Variants in CLCC1 observed in about 807,000 individuals in gnomAD.
CLCC1 encodes chloride channel CLIC like 1, also known as chloride channel CLIC-like protein 1.
A neutral mutation model predicts 63.3 loss-of-function variants in CLCC1; 39 were observed. That is an observed-to-expected ratio of 0.62 (90% CI 0.48 to 0.81). The LOEUF (loss-of-function observed/expected upper bound fraction) is 0.81, where lower values mean the gene tolerates loss of function less well. CLCC1 is among the 30% of genes least tolerant of loss of function. The probability of loss-of-function intolerance (pLI) is 0.00; values close to 1 mark genes in which losing one functional copy is unlikely to be tolerated. For missense variants in CLCC1, 549 were observed against 669.4 expected (o/e 0.82, Z 1.98); for synonymous variants, 217 against 239.8 (o/e 0.90, Z 0.88).
chr1:108,936,948 G>A (rs2101624817), intron 11 of CLCC1, 129 bp downstream of exon 11: 3 of 510,446 alleles, frequency 5.9e-6, no homozygotes, highest in Non-Finnish European at 9.3e-6. Context: ...AGGGGAGAGA[G>A]TGAGTGGCTG....
chr1:108,947,977 AG>A (rs1387216344), intron 4 of CLCC1, among the ~76,000 whole-genome samples: 1 of 152,210 alleles, frequency 6.6e-6, no homozygotes, highest in African/African-American at 2.4e-5. Context: ...GCTGACTTTC[AG>A]CAACTTTAAA....
intron 2 of CLCC1, among the ~76,000 whole-genome samples, chr1:108,959,887 T>C (rs1172421523): frequency 6.6e-6 from 1 of 152,174 alleles, no homozygotes; most frequent in Non-Finnish European, 1.5e-5. Context: ...CCCAGCACTT[T>C]GGGAAGCCAA....
intron 2 of CLCC1, among the ~76,000 whole-genome samples, chr1:108,960,699 G>C (rs1239882522): frequency 6.6e-6 from 1 of 152,144 alleles, no homozygotes; most frequent in Non-Finnish European, 1.5e-5. Flanking sequence ...ATTATAATAT[G>C]ATATGAAGTG....
At position 108,937,128 on chromosome 1, in the gene CLCC1, T is replaced by C. The variant is rs1653134281; in HGVS notation, c.1332A>G (p.Ala444=). The C allele has an allele frequency of 3.9e-6, 6 of 1,531,032 alleles. No individual in the cohort carries two copies. Among genetic ancestry groups the C allele is most frequent in the Non-Finnish European group, 5.3e-6 (6 of 1,141,130 alleles). 94.8% of individuals were successfully genotyped at this position (1,531,032 alleles called of 1,614,324 possible). Residue 444 remains alanine, a synonymous_variant, in exon 11 of 13, where the codon GCA becomes GCG. Coordinates refer to ENST00000369969, the MANE Select transcript of CLCC1 (RefSeq NM_001377458.1). The part of the protein sequence containing the change: ...TGNKSPEVLR[A]FDVPDAEARE... ...GTGCCTCTGCGTCTGGTACATCAAA[T>C]GCCCGGAGCACTTCAGGGCTCTTGT...
At chr1:108,945,299 G>A (rs1654395766) in intron 5 of CLCC1, among the ~76,000 whole-genome samples, 1 of 152,016 alleles carries the variant, frequency 6.6e-6, no homozygotes, top group Non-Finnish European at 1.5e-5. Flanking sequence ...ACAACGAAAT[G>A]ATGCTGTTTA....
chr1:108,940,010 G>A (rs1571020380), intron 9 of CLCC1, 35 bp downstream of exon 9: 1 of 1,492,700 alleles, frequency 6.7e-7, no homozygotes, highest in South Asian at 1.2e-5. Context: ...ATTTCTGACT[G>A]ACTTTAAGTA....
chr1:108,938,207 C>A (rs975380653), intron 10 of CLCC1, among the ~76,000 whole-genome samples: 8 of 152,136 alleles, frequency 5.3e-5, no homozygotes, highest in African/African-American at 1.9e-4. Context: ...TTTAAGACTG[C>A]AAAGAGGTCC....
At chr1:108,936,991 A>G in intron 11 of CLCC1, 86 bp downstream of exon 11, 1 of 953,680 alleles carries the variant, frequency 1.0e-6, no homozygotes, top group East Asian at 2.8e-5. Flanking sequence ...GGTGAGGGGT[A>G]AAAGAGTAAA....
intron 2 of CLCC1, 137 bp downstream of exon 2, chr1:108,962,172 G>C (rs1024824273): frequency 2.0e-5 from 3 of 152,226 alleles, no homozygotes; most frequent in African/African-American, 7.2e-5. Flanking sequence ...GTAGTTTATA[G>C]TAGCTACTAG....
chr1:108,948,915 G>T (rs1331609350), intron 4 of CLCC1, among the ~76,000 whole-genome samples: 1 of 151,988 alleles, frequency 6.6e-6, no homozygotes, highest in Non-Finnish European at 1.5e-5. Context: ...AACCACTCAG[G>T]TGAGACAGTA....
chr1:108,952,468 GC>G (rs1166555061), intron 2 of CLCC1, among the ~76,000 whole-genome samples: 2 of 152,120 alleles, frequency 1.3e-5, no homozygotes, highest in Admixed American at 6.5e-5. Context: ...ACAGCGCTTG[GC>G]CCCCCCTGTT....
chr1:108,955,394 A>G (rs1655754918), intron 2 of CLCC1, among the ~76,000 whole-genome samples: 1 of 151,384 alleles, frequency 6.6e-6, no homozygotes. Context: ...TACTCTCCCC[A>G]CGGAAAGATG....
rs987276335 is a variant in CLCC1, at chr1:108,930,178, CT to C, written c.*2368del. 8.1e-5 allele frequency: 38 copies of C among 468,278 alleles called. No individual in the cohort carries two copies. Among genetic ancestry groups the C allele is most frequent in the African/African-American group, 6.8e-4 (35 of 51,174 alleles). 29.0% of individuals were successfully genotyped at this position (468,278 alleles called of 1,614,324 possible). A position where few individuals can be genotyped will look rare whatever the true frequency, so the allele number is the denominator to read the frequency against. On this transcript the variant is annotated 3_prime_UTR_variant, in exon 13 of 13. Transcript: ENST00000369969. ...CTGTGATTACTGCTTGGGATGTGTTCTTTGGCAGCTTGTGAGATTACTTTAC... is the reference window on the plus strand; with the variant it reads ...CTGTGATTACTGCTTGGGATGTGTTCTTGGCAGCTTGTGAGATTACTTTAC...
chr1:108,950,316 T>G lies in CLCC1; in HGVS notation c.122A>C (p.Lys41Thr). 6.2e-7 allele frequency: 1 copy of G among 1,611,810 alleles called. No individual in the cohort carries two copies. Among genetic ancestry groups the G allele is most frequent in the African/African-American group, 1.3e-5 (1 of 74,912 alleles). Residue 41 changes from lysine to threonine, a missense_variant, in exon 3 of 13, where the codon AAA becomes ACA. By Grantham distance (78) the Lys-to-Thr change is moderately conservative. Coordinates refer to ENST00000369969, the MANE Select transcript of CLCC1 (RefSeq NM_001377458.1). ...ACGAATTTTTTTTAATACCTGAGAT[T>G]TTCTCATTGTTCCTGAAGCAGCATC... ...NYDAASGTMR[K>T]SQAKYGISGE...
chr1:108,937,822 CT>C (rs1001787807), intron 10 of CLCC1, among the ~76,000 whole-genome samples: 1 of 152,122 alleles, frequency 6.6e-6, no homozygotes, highest in Non-Finnish European at 1.5e-5. Flanking sequence ...TGTACATTTT[CT>C]TTTTACAAAT....
At position 108,931,682 on chromosome 1, in the gene CLCC1, A is replaced by G; in HGVS notation, c.*865T>C. 1 of 724,266 alleles carries G rather than the reference A, an allele frequency of 1.4e-6. No homozygotes were observed. Among genetic ancestry groups the G allele is most frequent in the Non-Finnish European group, 2.0e-6 (1 of 487,902 alleles). The allele number at this position is 724,266 out of a possible 1,614,324, so 44.9% of individuals were successfully genotyped here. On this transcript the variant is annotated 3_prime_UTR_variant, in exon 13 of 13. Transcript: ENST00000369969. ...ACCTGGATTACATTATGTTTCATGT[A>G]TACTATAAGGTATGATGTCCTGGAT...
chr1:108,961,488 C>A (rs1349436843), intron 2 of CLCC1, among the ~76,000 whole-genome samples: 1 of 152,172 alleles, frequency 6.6e-6, no homozygotes, highest in Non-Finnish European at 1.5e-5. Flanking sequence ...TTCTCTCTCC[C>A]GCAGTCCCTA....
At chr1:108,950,985 T>G (rs1398078784) in intron 2 of CLCC1, among the ~76,000 whole-genome samples, 8 of 152,322 alleles carry the variant, frequency 5.3e-5, no homozygotes, top group African/African-American at 1.7e-4. Context: ...TTTTTCCATA[T>G]GGCCCAGCAA....
chr1:108,931,402 A>G lies in CLCC1; in HGVS notation c.*1145T>C, dbSNP rs1364001115. 8 of 1,551,088 alleles carry G rather than the reference A, an allele frequency of 5.2e-6. No homozygotes were observed. The highest frequency in any genetic ancestry group is 7.0e-6 in the Non-Finnish European group (8 of 1,147,130). ...TATGGGACAGACTGGGACCTGGAGT[A>G]ACACTGGATCACAGACTGCAAAGGC... On this transcript the variant is annotated 3_prime_UTR_variant, in exon 13 of 13. Transcript: ENST00000369969.
Sources: allele counts gnomAD v4.1 joint callset (sites outside exome capture counted in the v4.1 genomes callset), GRCh38; gene constraint gnomAD v4.1.1; transcripts MANE v1.5; gene names NCBI Gene and HGNC (gene_info 2026-07-23, HGNC 2026-07-21).